The following HDAC9 variants were observed in gnomAD, a reference collection of about 807,000 sequenced individuals.
The protein encoded by HDAC9 is histone deacetylase 9.
HDAC9 carries 41 observed loss-of-function variants against 139.4 expected under a neutral mutation model. The observed-to-expected ratio is 0.29, with a 90% CI of 0.23 to 0.38. The LOEUF is 0.38. Ranked by LOEUF, HDAC9 falls within the 10% of genes least tolerant of loss-of-function variation. The probability of loss-of-function intolerance (pLI) is 1.00; values close to 1 mark genes in which losing one functional copy is unlikely to be tolerated. For synonymous variants in HDAC9, 517 were observed against 476.2 expected, an observed-to-expected ratio of 1.09 and a Z score of -1.12; for missense variants, 1,147 against 1,297.0, an observed-to-expected ratio of 0.88 and a Z score of 1.78.
intron 1 of HDAC9, among the ~76,000 whole-genome samples, chr7:18,151,120 A>G (rs369195607): frequency 8.1e-4 from 123 of 152,182 alleles, no homozygotes; most frequent in African/African-American, 2.9e-3. Flanking sequence ...CTCTTCCCCT[A>G]TATGACATTA....
At chr7:18,353,644 A>G (rs1183805082) in intron 1 of HDAC9, among the ~76,000 whole-genome samples, 1 of 152,196 alleles carries the variant, frequency 6.6e-6, no homozygotes. Flanking sequence ...TATCTTGGGT[A>G]TCAACAGCAT....
chr7:18,461,296 G>A (rs923649798), intron 1 of HDAC9, among the ~76,000 whole-genome samples: 1 of 152,084 alleles, frequency 6.6e-6, no homozygotes, highest in African/African-American at 2.4e-5. Context: ...ATAAAAATCT[G>A]TTATGTAATG....
chr7:18,554,380 G>A (rs2128676588), intron 2 of HDAC9, among the ~76,000 whole-genome samples: 1 of 138,880 alleles, frequency 7.2e-6, no homozygotes, highest in Admixed American at 8.0e-5. Context: ...TCATCACCCA[G>A]GCTGGCGTGC....
At chr7:18,194,272 C>T (rs1222155763) in intron 2 of HDAC9, among the ~76,000 whole-genome samples, 1 of 152,074 alleles carries the variant, frequency 6.6e-6, no homozygotes, top group Non-Finnish European at 1.5e-5. Flanking sequence ...GTAGGATTTT[C>T]TTCCCATGTT....
At chr7:18,748,946 CAT>C (rs1444873837) in intron 13 of HDAC9, 57 bp from the exon 14 acceptor site, 4 of 1,482,712 alleles carry the variant, frequency 2.7e-6, no homozygotes, top group African/African-American at 2.8e-5. Context: ...TATCTCCTAA[CAT>C]GTGTCATTAT....
At chr7:18,962,967 G>A (rs1013503538) in intron 24 of HDAC9, among the ~76,000 whole-genome samples, 4 of 152,062 alleles carry the variant, frequency 2.6e-5, no homozygotes, top group Non-Finnish European at 5.9e-5. Context: ...ACTTTGTTTC[G>A]ATTAAAGGAT....
chr7:18,480,521 AG>A (rs1795468984), intron 1 of HDAC9, among the ~76,000 whole-genome samples: 1 of 152,200 alleles, frequency 6.6e-6, no homozygotes, highest in African/African-American at 2.4e-5. Flanking sequence ...GAGAGTGGTT[AG>A]GTAAGTAGAA....
chr7:18,792,157 A>T (rs1420115476), intron 16 of HDAC9, among the ~76,000 whole-genome samples: 1 of 151,792 alleles, frequency 6.6e-6, no homozygotes, highest in Non-Finnish European at 1.5e-5. Flanking sequence ...AGAAAAAGGC[A>T]TGTGAATATT....
rs57608252 is a variant in HDAC9 at position 18,823,976 on chromosome 7, AAAGAAG to A, written c.2323-5169_2323-5164del. 3.2e-3 allele frequency among the ~76,000 whole-genome samples: 476 copies of A among 148,682 alleles called. 2 individuals are homozygous for A. Among genetic ancestry groups the A allele is most frequent in the African/African-American group, 0.011 (431 of 40,326 alleles). On this transcript the variant is annotated intron_variant, in intron 17 of 25. Coordinates refer to ENST00000686413, the MANE Select transcript of HDAC9 (RefSeq NM_178425.4). ...CTGGGTGACAGGGCAAGACCCTGTG[AAAGAAG>A]AAGAAGAAGAAGAAGGAGAAGGGGA...
intron 2 of HDAC9, among the ~76,000 whole-genome samples, chr7:18,537,687 G>A (rs1348280758): frequency 1.3e-5 from 2 of 152,146 alleles, no homozygotes; most frequent in South Asian, 2.1e-4. Flanking sequence ...TACATACAGA[G>A]AAAGCCATTG....
intron 2 of HDAC9, among the ~76,000 whole-genome samples, chr7:18,536,774 A>G (rs1811048626): frequency 6.6e-6 from 1 of 152,214 alleles, no homozygotes; most frequent in South Asian, 2.1e-4. Context: ...ACTAAATTGT[A>G]TACAACAAAA....
At chr7:18,354,099 A>G (rs551269416) in intron 1 of HDAC9, among the ~76,000 whole-genome samples, 58 of 152,292 alleles carry the variant, frequency 3.8e-4, no homozygotes, top group Middle Eastern at 3.4e-3. Flanking sequence ...GAAAATTTAA[A>G]AGAAATTTTA....
chr7:18,397,068 A>G lies in HDAC9; in HGVS notation c.-41-99194A>G, dbSNP rs529549027. ...CGTCGACTCCTATCTTTAGGCAGAT[A>G]CAAAAGGGTATTGAGAGAATAGATT... On this transcript the variant is annotated intron_variant, in intron 1 of 3. Transcript: ENST00000413509. Among the ~76,000 whole-genome samples the G allele has an allele frequency of 2.0e-5, 3 of 152,228 alleles. No homozygotes were observed. The East Asian group carries it at 5.8e-4, about 29-fold the overall frequency.
At chr7:18,742,749 T>A (rs952222081) in intron 13 of HDAC9, among the ~76,000 whole-genome samples, 1 of 152,184 alleles carries the variant, frequency 6.6e-6, no homozygotes, top group Admixed American at 6.5e-5. Context: ...TTGTATTCAA[T>A]AGCGCTGATC....
chr7:18,609,949 G>A (rs575157817), intron 6 of HDAC9, among the ~76,000 whole-genome samples: 1 of 152,210 alleles, frequency 6.6e-6, no homozygotes, highest in East Asian at 1.9e-4. Context: ...CCCTACAAAG[G>A]ACATGAACTC....
At chr7:18,202,216 G>C (rs952127247) in intron 2 of HDAC9, among the ~76,000 whole-genome samples, 28 of 152,108 alleles carry the variant, frequency 1.8e-4, no homozygotes, top group Non-Finnish European at 3.8e-4. Context: ...AACTCTCTTG[G>C]AAATTTTAGT....
At chr7:18,834,508 C>A (rs999159077) in intron 19 of HDAC9, among the ~76,000 whole-genome samples, 10 of 147,828 alleles carry the variant, frequency 6.8e-5, no homozygotes, top group Admixed American at 6.1e-4. Context: ...GAAAAAAGAA[C>A]TGTCAAGTTT....
At chr7:18,235,587 C>G (rs1413696212) in intron 2 of HDAC9, among the ~76,000 whole-genome samples, 1 of 152,150 alleles carries the variant, frequency 6.6e-6, no homozygotes, top group East Asian at 1.9e-4. Flanking sequence ...GTTTTATAAA[C>G]TTTTAACCAC....
At chr7:18,224,297 A>G (rs777517415) in intron 2 of HDAC9, among the ~76,000 whole-genome samples, 2 of 152,182 alleles carry the variant, frequency 1.3e-5, no homozygotes, top group Non-Finnish European at 2.9e-5. Context: ...CCAAGACTCT[A>G]CTTAACCAGC....
Sources: gnomAD v4.1 joint callset for allele counts (sites outside exome capture counted in the v4.1 genomes callset) on GRCh38, gnomAD v4.1.1 for gene constraint, MANE v1.5 for transcripts, NCBI Gene and HGNC (gene_info 2026-07-23, HGNC 2026-07-21) for gene names.